The following FGF12 variants were observed in gnomAD, a reference collection of about 807,000 sequenced individuals.
FGF12 encodes the protein fibroblast growth factor 12.
A neutral mutation model predicts 23.6 loss-of-function variants in FGF12; 14 were observed. That is an observed-to-expected ratio of 0.59 (90% confidence interval 0.39 to 0.93). The LOEUF (loss-of-function observed/expected upper bound fraction) is 0.93, where lower values mean the gene tolerates loss of function less well. FGF12 is among the 40% of genes least tolerant of loss of function. FGF12 has a pLI of 0.00. For missense variants in FGF12, 175 were observed against 217.8 expected, an observed-to-expected ratio of 0.80 and a Z score of 1.24; for synonymous variants, 62 against 77.3, an observed-to-expected ratio of 0.80 and a Z score of 1.04.
intron 2 of FGF12, among the ~76,000 whole-genome samples, chr3:192,503,583 T>C (rs1456677271): frequency 7.2e-6 from 1 of 139,718 alleles, no homozygotes; most frequent in Non-Finnish European, 1.5e-5. Context: ...TGGTTTTTTT[T>C]TTTTGGTGTG....
At chr3:192,682,379 A>T (rs1717564887) in intron 2 of FGF12, among the ~76,000 whole-genome samples, 1 of 152,190 alleles carries the variant, frequency 6.6e-6, no homozygotes, top group South Asian at 2.1e-4. Flanking sequence ...TCTTGAGATA[A>T]GAAAACCTAA....
intron 2 of FGF12, among the ~76,000 whole-genome samples, chr3:192,511,254 C>A (rs573013719): frequency 1.4e-5 from 2 of 146,916 alleles, no homozygotes; most frequent in East Asian, 4.0e-4. Flanking sequence ...CACACACACA[C>A]CTGCTACTAT....
chr3:192,157,654 A>C (rs1012361406), intron 5 of FGF12, among the ~76,000 whole-genome samples: 53 of 152,318 alleles, frequency 3.5e-4, no homozygotes, highest in African/African-American at 1.3e-3. Context: ...TTCAACAATA[A>C]CTTCTATTTT....
intron 2 of FGF12, among the ~76,000 whole-genome samples, chr3:192,371,835 G>C (rs574447818): frequency 1.3e-5 from 2 of 152,166 alleles, no homozygotes; most frequent in Non-Finnish European, 2.9e-5. Flanking sequence ...AGCCAGGGTG[G>C]AAGGTTTTTG....
chr3:192,207,837 TCCTA>T (rs1323322813), intron 4 of FGF12, among the ~76,000 whole-genome samples: 1 of 152,146 alleles, frequency 6.6e-6, no homozygotes, highest in Non-Finnish European at 1.5e-5. Context: ...AGCAACAGCC[TCCTA>T]CCTGGGCTCC....
intron 2 of FGF12, among the ~76,000 whole-genome samples, chr3:192,535,831 A>G (rs1725210037): frequency 6.6e-6 from 1 of 152,178 alleles, no homozygotes; most frequent in Admixed American, 6.5e-5. Flanking sequence ...ATAAACATAC[A>G]TATGCACGTT....
intron 2 of FGF12, among the ~76,000 whole-genome samples, chr3:192,478,140 T>C (rs1342394639): frequency 3.9e-5 from 6 of 152,184 alleles, no homozygotes; most frequent in African/African-American, 1.4e-4. Context: ...TTGACCTTTT[T>C]AAGCAAATAT....
intron 4 of FGF12, among the ~76,000 whole-genome samples, chr3:192,311,464 G>A (rs1237070305): frequency 6.6e-6 from 1 of 152,116 alleles, no homozygotes; most frequent in Non-Finnish European, 1.5e-5. Context: ...ATCGTAGCAT[G>A]CATCAGTACT....
intron 2 of FGF12, among the ~76,000 whole-genome samples, chr3:192,381,576 C>T (rs1349089159): frequency 6.6e-6 from 1 of 152,136 alleles, no homozygotes; most frequent in Non-Finnish European, 1.5e-5. Flanking sequence ...GGAGTCCTGG[C>T]TGCTATGGAG....
rs2669296 is a variant in FGF12, at chr3:192,408,246, G to C, written c.14-47708C>G. ...CATAGCTGCTCAGCGAGGGCCTCAGGCCCCAGCCTCTACTGCGCCCTCCGG... is the reference window on the plus strand; with the variant it reads ...CATAGCTGCTCAGCGAGGGCCTCAGCCCCCAGCCTCTACTGCGCCCTCCGG... On this transcript the variant is annotated intron_variant, in intron 2 of 5. Coordinates refer to ENST00000445105, the MANE Select transcript of FGF12 (RefSeq NM_004113.6). This position sits in a 1 kb window ranked among gnomAD's most constrained non-coding sequence, Gnocchi z 7.3. 2.5e-6 allele frequency: 4 copies of C among 1,571,592 alleles called. No individual in the cohort carries two copies.
At chr3:192,311,457 G>A (rs753793480) in intron 4 of FGF12, among the ~76,000 whole-genome samples, 117 of 152,084 alleles carry the variant, frequency 7.7e-4, no homozygotes, top group African/African-American at 2.7e-3. Context: ...CAATCTTATC[G>A]TAGCATGCAT....
At chr3:192,530,842 T>A (rs1415109970) in intron 2 of FGF12, among the ~76,000 whole-genome samples, 14 of 151,822 alleles carry the variant, frequency 9.2e-5, no homozygotes, top group Admixed American at 9.2e-4. Flanking sequence ...TTAGATAGAG[T>A]CTTGTTCTGT....
At chr3:192,309,792 G>A (rs1715843087) in intron 4 of FGF12, among the ~76,000 whole-genome samples, 3 of 152,156 alleles carry the variant, frequency 2.0e-5, no homozygotes, top group Non-Finnish European at 4.4e-5. Flanking sequence ...TGAAAATGGA[G>A]ATGAAGCCAG....
intron 5 of FGF12, among the ~76,000 whole-genome samples, chr3:192,156,903 A>G (rs12497861): frequency 0.042 from 6,371 of 152,220 alleles, 217 homozygotes; most frequent in South Asian, 0.071. Flanking sequence ...TTTTTCCTCT[A>G]TTCTGACTTA....
chr3:192,314,145 A>C (rs1577345181), intron 4 of FGF12, among the ~76,000 whole-genome samples: 1 of 152,166 alleles, frequency 6.6e-6, no homozygotes, highest in Non-Finnish European at 1.5e-5. Context: ...TCTTGGGCTC[A>C]CCAGCCTCCA....
chr3:192,620,701 C>T (rs929556936), intron 2 of FGF12, among the ~76,000 whole-genome samples: 4 of 152,120 alleles, frequency 2.6e-5, no homozygotes, highest in Non-Finnish European at 4.4e-5. Flanking sequence ...CAGAATTGTC[C>T]AGATATATTC....
intron 2 of FGF12, among the ~76,000 whole-genome samples, chr3:192,480,024 G>A (rs1477209646): frequency 2.0e-5 from 3 of 151,634 alleles, no homozygotes; most frequent in Non-Finnish European, 4.4e-5. Context: ...GAGGAGGGGG[G>A]AAATGCCATG....
Position 192,500,421 on chromosome 3 carries a change from T to C in FGF12, c.14-139883A>G, listed in dbSNP as rs972650656. On this transcript the variant is annotated intron_variant, in intron 2 of 5. Transcript: ENST00000445105. ...CAGTTTGTCCCTGTGGTATTGCTGA[T>C]ATAATAAATCCAACATCCCCCCACC... is the stretch of plus-strand genomic sequence containing the variant. Among the ~76,000 whole-genome samples, 4 of 151,412 alleles carry C rather than the reference T, an allele frequency of 2.6e-5. No homozygotes were observed. The East Asian group carries it at 5.8e-4, about 22-fold the overall frequency.
intron 2 of FGF12, among the ~76,000 whole-genome samples, chr3:192,382,754 A>C: frequency 6.6e-6 from 1 of 152,290 alleles, no homozygotes; most frequent in South Asian, 2.1e-4. Flanking sequence ...TTACCCCAAA[A>C]TATATAATTA....
Sources: gnomAD v4.1 joint callset for allele counts (sites outside exome capture counted in the v4.1 genomes callset) on GRCh38, gnomAD v4.1.1 for gene constraint, Gnocchi (gnomAD v3.1) non-coding constraint, MANE v1.5 for transcripts, NCBI Gene and HGNC (gene_info 2026-07-23, HGNC 2026-07-21) for gene names.